The following GSG1L variants were observed in gnomAD, a reference collection of about 807,000 sequenced individuals.
The protein encoded by GSG1L is GSG1 like.
In GSG1L, 24 loss-of-function variants were observed where a neutral mutation model predicts 42.1. The observed-to-expected ratio is 0.57, with a 90% CI of 0.41 to 0.80. The LOEUF (loss-of-function observed/expected upper bound fraction) is 0.80, where lower values mean the gene tolerates loss of function less well. Among genes scored for constraint, GSG1L ranks in the 30% least tolerant of loss-of-function variants. GSG1L has a pLI of 0.00. For synonymous variants in GSG1L, 215 were observed against 203.5 expected (o/e 1.06, Z -0.48); for missense variants, 445 against 472.2 (o/e 0.94, Z 0.53).
intron 1 of GSG1L, among the ~76,000 whole-genome samples, chr16:28,025,210 C>T (rs2085886580): frequency 6.6e-6 from 1 of 152,134 alleles, no homozygotes; most frequent in African/African-American, 2.4e-5. Context: ...TGCACCTGCC[C>T]AGGAGATGTG....
Position 27,858,868 on chromosome 16 carries a change from G to A in GSG1L, c.551-13807C>T, listed in dbSNP as rs543233519. Among the ~76,000 whole-genome samples the A allele has an allele frequency of 1.8e-4, 28 of 152,326 alleles. 1 individual carries two copies. The South Asian group carries it at 5.8e-3, about 32-fold the overall frequency. On this transcript the variant is annotated intron_variant, in intron 3 of 6. Coordinates refer to ENST00000447459, the MANE Select transcript of GSG1L (RefSeq NM_001109763.2). ...TGAAGGCAAAGAACGGGATATGGAAGATAATGATTGAGTCAGTTAGTTTAG... is the reference window on the plus strand; with the variant it reads ...TGAAGGCAAAGAACGGGATATGGAAAATAATGATTGAGTCAGTTAGTTTAG...
intron 3 of GSG1L, among the ~76,000 whole-genome samples, chr16:27,862,217 C>T (rs949673062): frequency 6.6e-6 from 1 of 152,204 alleles, no homozygotes. Context: ...AGGAGCCTGT[C>T]CCTCTTGATG....
At chr16:28,043,293 G>A (rs1304185951) in intron 1 of GSG1L, among the ~76,000 whole-genome samples, 2 of 152,200 alleles carry the variant, frequency 1.3e-5, no homozygotes, top group South Asian at 2.1e-4. Context: ...TCTCAGGCCA[G>A]GCAAAGGCAT....
At chr16:27,994,936 T>C (rs2085498754) in intron 1 of GSG1L, among the ~76,000 whole-genome samples, 1 of 152,162 alleles carries the variant, frequency 6.6e-6, no homozygotes, top group South Asian at 2.1e-4. Flanking sequence ...GCCATGGATA[T>C]TTTTAGAGTT....
chr16:27,864,629 C>T (rs966305651), intron 3 of GSG1L, among the ~76,000 whole-genome samples: 5 of 152,212 alleles, frequency 3.3e-5, no homozygotes, highest in African/African-American at 7.2e-5. Context: ...TAGAAAAATA[C>T]GGTTTTGCCT....
In GSG1L at chr16:27,843,504, T is replaced by TAA. The variant is rs55755431; in HGVS notation, c.662+1444_662+1445dup. Among the ~76,000 whole-genome samples the TAA allele has an allele frequency of 5.6e-3, 427 of 75,866 alleles. 6 individuals are homozygous for TAA. The highest frequency in any genetic ancestry group is 0.016 in the South Asian group (34 of 2,104). 49.8% of individuals were successfully genotyped at this position (75,866 alleles called of 152,430 possible). Reference sequence around the variant, plus strand: ...CCTGGGTGACAGAGCAGAGACTCTGTAAAAAAAAAAAAAAAAAAAAAAAAA... The same window carrying TAA: ...CCTGGGTGACAGAGCAGAGACTCTGTAAAAAAAAAAAAAAAAAAAAAAAAAAA... On this transcript the variant is annotated intron_variant, in intron 4 of 6. Coordinates refer to ENST00000447459, the MANE Select transcript of GSG1L (RefSeq NM_001109763.2).
chr16:27,810,578 A>G (rs777686834), intron 5 of GSG1L, among the ~76,000 whole-genome samples: 3 of 152,228 alleles, frequency 2.0e-5, no homozygotes, highest in Non-Finnish European at 4.4e-5. Flanking sequence ...TTCTGCTTAT[A>G]AGGATCTCCT....
chr16:27,973,439 CAAAAAAAAAAAAAAAA>C (rs71140935), intron 1 of GSG1L, among the ~76,000 whole-genome samples: 4 of 29,856 alleles, frequency 1.3e-4, no homozygotes, highest in Non-Finnish European at 2.4e-4. Flanking sequence ...GACCCCATCA[CAAAAAAAAAAAAAAAA>C]AAAAAAAAAA....
At chr16:27,947,428 G>C (rs2084889641) in intron 2 of GSG1L, among the ~76,000 whole-genome samples, 1 of 136,794 alleles carries the variant, frequency 7.3e-6, no homozygotes, top group Admixed American at 7.6e-5. Flanking sequence ...AAGAAAGAAA[G>C]AGAAGGAAGG....
chr16:27,876,915 G>A (rs971616575), intron 3 of GSG1L, among the ~76,000 whole-genome samples: 2 of 152,148 alleles, frequency 1.3e-5, no homozygotes, highest in South Asian at 2.1e-4. Context: ...ATTTCTCCAC[G>A]AGGCTGATTA....
chr16:27,848,993 C>G (rs191147571), intron 3 of GSG1L, among the ~76,000 whole-genome samples: 1 of 151,894 alleles, frequency 6.6e-6, no homozygotes, highest in Non-Finnish European at 1.5e-5. Flanking sequence ...GTCAGGGGTT[C>G]GAAACCAGCC....
At chr16:27,800,794 T>G (rs939026401) in intron 6 of GSG1L, among the ~76,000 whole-genome samples, 1 of 152,220 alleles carries the variant, frequency 6.6e-6, no homozygotes, top group Non-Finnish European at 1.5e-5. Context: ...GCACCTATTA[T>G]GTGCCACACA....
In GSG1L at chr16:27,896,682, G is replaced by A. The variant is rs576829994; in HGVS notation, c.398-12044C>T. On this transcript the variant is annotated intron_variant, in intron 2 of 6. Transcript: ENST00000447459. ...TGTAATCACAAGGGTCATTATGACA[G>A]GGAGACAGGAGGGTCAGAGACAGAG... 2.6e-5 allele frequency among the ~76,000 whole-genome samples: 4 copies of A among 152,350 alleles called. No homozygotes were observed. In the East Asian group the frequency reaches 7.7e-4, roughly 29 times the overall value.
intron 2 of GSG1L, among the ~76,000 whole-genome samples, chr16:27,929,589 G>A (rs893901724): frequency 2.0e-5 from 3 of 152,246 alleles, no homozygotes; most frequent in African/African-American, 7.2e-5. Context: ...ACAGATTCCA[G>A]TGAAGTAGTT....
Position 27,813,317 on chromosome 16 carries a change from C to T in GSG1L, c.831-5763G>A, listed in dbSNP as rs368605286. Reference sequence around the variant, plus strand: ...TAGCTCTCACTTATATGTAAGAACACGCAGTATTTGGTTTTCTGTTCCTGC... The same window carrying T: ...TAGCTCTCACTTATATGTAAGAACATGCAGTATTTGGTTTTCTGTTCCTGC... On this transcript the variant is annotated intron_variant, in intron 5 of 6. Transcript: ENST00000447459. Among the ~76,000 whole-genome samples, 53 of 147,728 alleles carry T rather than the reference C, an allele frequency of 3.6e-4. 1 individual carries two copies. Among genetic ancestry groups the T allele is most frequent in the African/African-American group, 9.9e-4 (40 of 40,606 alleles).
intron 2 of GSG1L, among the ~76,000 whole-genome samples, chr16:27,904,739 C>A (rs1044633723): frequency 1.3e-5 from 2 of 152,140 alleles, no homozygotes; most frequent in African/African-American, 4.8e-5. Flanking sequence ...GCTTTCCCCA[C>A]CTCTGATGGA....
At chr16:27,820,111 C>G (rs2083135963) in intron 5 of GSG1L, among the ~76,000 whole-genome samples, 1 of 152,138 alleles carries the variant, frequency 6.6e-6, no homozygotes, top group African/African-American at 2.4e-5. Context: ...GGAAATAAGA[C>G]TGCATTTGGG....
chr16:27,976,945 T>C (rs1282129286), intron 1 of GSG1L, among the ~76,000 whole-genome samples: 1 of 152,186 alleles, frequency 6.6e-6, no homozygotes, highest in African/African-American at 2.4e-5. Flanking sequence ...ACTCATCGTA[T>C]TGTCACGTGC....
At chr16:27,801,485 C>T (rs757093487) in intron 6 of GSG1L, among the ~76,000 whole-genome samples, 3 of 152,336 alleles carry the variant, frequency 2.0e-5, no homozygotes, top group South Asian at 2.1e-4. Flanking sequence ...GTCAGCCCAT[C>T]GCAGGATCTG....
Sources: allele counts gnomAD v4.1 joint callset (sites outside exome capture counted in the v4.1 genomes callset), GRCh38; gene constraint gnomAD v4.1.1; transcripts MANE v1.5; gene names NCBI Gene and HGNC (gene_info 2026-07-23, HGNC 2026-07-21).